The following SLC16A7 variants were observed in gnomAD, a reference collection of about 807,000 sequenced individuals.
The protein encoded by SLC16A7 is monocarboxylate transporter 2.
In SLC16A7, 33 loss-of-function variants were observed where a neutral mutation model predicts 34.9. That is an observed-to-expected ratio of 0.94 (90% confidence interval 0.72 to 1.26). SLC16A7 has a LOEUF of 1.26. SLC16A7 is among the 50% of genes most tolerant of loss of function. The pLI, the probability that SLC16A7 is intolerant of heterozygous loss-of-function variation, is 0.00. For missense variants in SLC16A7, 573 were observed against 578.1 expected (o/e 0.99, Z 0.09); for synonymous variants, 201 against 206.6 (o/e 0.97, Z 0.23).
chr12:59,631,263 T>C (rs1033352879), intron 1 of SLC16A7, among the ~76,000 whole-genome samples: 3 of 151,908 alleles, frequency 2.0e-5, no homozygotes, highest in African/African-American at 7.2e-5. Context: ...GGGAAGAAAA[T>C]AGTTTCCCTT....
chr12:59,706,362 C>CTGTG (rs35397986), intron 3 of SLC16A7, among the ~76,000 whole-genome samples: 22,440 of 150,126 alleles, frequency 0.15, 1,721 homozygotes, highest in African/African-American at 0.16. Context: ...AAATAATTCC[C>CTGTG]TGTGTGTGTG....
intron 2 of SLC16A7, among the ~76,000 whole-genome samples, chr12:59,675,874 T>C (rs1260651944): frequency 6.6e-6 from 1 of 152,224 alleles, no homozygotes; most frequent in African/African-American, 2.4e-5. Context: ...ACTTCAGGAC[T>C]ATTATGTGTT....
At position 59,771,363 on chromosome 12, in the gene SLC16A7, G is replaced by A. The variant is rs1450160456; in HGVS notation, c.361+1G>A. 3 of 1,588,256 alleles carry A rather than the reference G, an allele frequency of 1.9e-6. No individual in the cohort carries two copies. The highest frequency in any genetic ancestry group is 2.3e-5 in the South Asian group (2 of 87,796). On this transcript the variant is annotated splice_donor_variant, in intron 4 of 5. Transcript: ENST00000547379. LOFTEE classifies it high-confidence loss of function. ...TACCTCACTATGGGATTCATTACAG[G>A]TAAGCCATTTAGTCTTCAGCTTATT...
At chr12:59,667,729 T>A (rs1869323475) in intron 2 of SLC16A7, among the ~76,000 whole-genome samples, 1 of 152,194 alleles carries the variant, frequency 6.6e-6, no homozygotes, top group South Asian at 2.1e-4. Context: ...AGGAGCCAAA[T>A]GCTAATCACC....
At chr12:59,606,495 G>A (rs1878945493) in intron 1 of SLC16A7, among the ~76,000 whole-genome samples, 1 of 152,214 alleles carries the variant, frequency 6.6e-6, no homozygotes, top group South Asian at 2.1e-4. Flanking sequence ...TGTCTTCTGT[G>A]TGTTTGCTGT....
In SLC16A7 at chr12:59,785,984, A is replaced by G. The variant is rs1883588752; in HGVS notation, c.*6305A>G. 1 of 142,428 alleles carries G rather than the reference A, an allele frequency of 7.0e-6. No individual in the cohort carries two copies. Among genetic ancestry groups the G allele is most frequent in the Admixed American group, 7.5e-5 (1 of 13,340 alleles). 8.8% of individuals were successfully genotyped at this position (142,428 alleles called of 1,614,324 possible). A position where few individuals can be genotyped will look rare whatever the true frequency, so the allele number is the denominator to read the frequency against. On this transcript the variant is annotated 3_prime_UTR_variant, in exon 6 of 6. Transcript: ENST00000547379. ...CTCACTCATAGGTGGGAACTGAACA[A>G]TGAGAACACATGGACACAGGAAGGG... is the stretch of plus-strand genomic sequence containing the variant.
intron 1 of SLC16A7, among the ~76,000 whole-genome samples, chr12:59,626,968 T>G (rs1879956911): frequency 6.6e-6 from 1 of 151,930 alleles, no homozygotes; most frequent in Non-Finnish European, 1.5e-5. Flanking sequence ...CATAGTTTTT[T>G]TCCTAGTCTC....
intron 5 of SLC16A7, among the ~76,000 whole-genome samples, chr12:59,776,445 C>T (rs1238493842): frequency 6.6e-6 from 1 of 152,156 alleles, no homozygotes; most frequent in Non-Finnish European, 1.5e-5. Flanking sequence ...TCTGTTTGTG[C>T]ACCAGCCTTT....
intron 5 of SLC16A7, among the ~76,000 whole-genome samples, chr12:59,778,413 G>A (rs541633317): frequency 6.6e-6 from 1 of 152,174 alleles, no homozygotes; most frequent in East Asian, 1.9e-4. Flanking sequence ...CTAGATTCTA[G>A]GGAGAATGCT....
At position 59,755,191 on chromosome 12, in the gene SLC16A7, G is replaced by T. The variant is rs942009415; in HGVS notation, c.218-16028G>T. Among the ~76,000 whole-genome samples the T allele has an allele frequency of 1.1e-4, 16 of 152,200 alleles. No homozygotes were observed. The Middle Eastern group carries it at 0.01, about 97-fold the overall frequency. ...CTGGAAGCATTCCCTTTGAAAACTG[G>T]CACAAGACAGGGATGCCCTCTCTCA... On this transcript the variant is annotated intron_variant, in intron 3 of 5. Coordinates refer to ENST00000547379, the MANE Select transcript of SLC16A7 (RefSeq NM_001270623.2).
chr12:59,720,754 G>A (rs763860356), intron 3 of SLC16A7, among the ~76,000 whole-genome samples: 2 of 151,826 alleles, frequency 1.3e-5, no homozygotes, highest in African/African-American at 4.8e-5. Flanking sequence ...TCACCATGTC[G>A]TATCTTCCAC....
At chr12:59,773,668 G>C (rs941459327) in intron 4 of SLC16A7, among the ~76,000 whole-genome samples, 1 of 151,808 alleles carries the variant, frequency 6.6e-6, no homozygotes, top group Non-Finnish European at 1.5e-5. Flanking sequence ...CAGTCCAAGC[G>C]ATTCTCTTGC....
chr12:59,626,204 G>A (rs1879922843), intron 1 of SLC16A7, among the ~76,000 whole-genome samples: 1 of 151,256 alleles, frequency 6.6e-6, no homozygotes, highest in Non-Finnish European at 1.5e-5. Flanking sequence ...CATTTTAAGG[G>A]ATAATTTTTT....
At position 59,709,542 on chromosome 12, in the gene SLC16A7, G is replaced by A. The variant is rs189609385; in HGVS notation, c.217+4524G>A. 1.7e-4 allele frequency among the ~76,000 whole-genome samples: 26 copies of A among 151,518 alleles called. No individual in the cohort carries two copies. In the East Asian group the frequency reaches 4.6e-3, roughly 27 times the overall value. On this transcript the variant is annotated intron_variant, in intron 3 of 5. Coordinates refer to ENST00000547379, the MANE Select transcript of SLC16A7 (RefSeq NM_001270623.2). The stretch of plus-strand genomic sequence containing the variant: ...CCCTAATATTTTGCAGAATGAGGGA[G>A]GCTATTAAAATAATTCATGCTGTGC...
At chr12:59,692,554 C>A (rs1252295192) in intron 2 of SLC16A7, among the ~76,000 whole-genome samples, 2 of 152,070 alleles carry the variant, frequency 1.3e-5, no homozygotes, top group East Asian at 3.9e-4. Context: ...GGATGTTCAA[C>A]CTGTATTAGA....
At chr12:59,624,875 C>G (rs1331316633) in intron 1 of SLC16A7, among the ~76,000 whole-genome samples, 1 of 151,536 alleles carries the variant, frequency 6.6e-6, no homozygotes, top group Non-Finnish European at 1.5e-5. Context: ...CACTTTCTAC[C>G]TCCGTCTGGC....
At chr12:59,625,498 T>C (rs890253386) in intron 1 of SLC16A7, among the ~76,000 whole-genome samples, 5 of 151,770 alleles carry the variant, frequency 3.3e-5, no homozygotes, top group African/African-American at 1.2e-4. Context: ...CAAATCTTCC[T>C]AGCTCTGTAA....
At chr12:59,705,849 A>C (rs1432880532) in intron 3 of SLC16A7, among the ~76,000 whole-genome samples, 1 of 152,142 alleles carries the variant, frequency 6.6e-6, no homozygotes, top group Non-Finnish European at 1.5e-5. Context: ...TCATTTAAAG[A>C]AATTATATCA....
At chr12:59,635,540 T>A (rs1299426200) in intron 1 of SLC16A7, among the ~76,000 whole-genome samples, 1 of 152,072 alleles carries the variant, frequency 6.6e-6, no homozygotes, top group Non-Finnish European at 1.5e-5. Context: ...CACTTAATAA[T>A]CTAGAAACAA....
Sources: gnomAD v4.1 joint callset for allele counts (sites outside exome capture counted in the v4.1 genomes callset) on GRCh38, gnomAD v4.1.1 for gene constraint, MANE v1.5 for transcripts, NCBI Gene and HGNC (gene_info 2026-07-23, HGNC 2026-07-21) for gene names.